Variants in CEP131 observed in about 807,000 individuals in gnomAD.
CEP131 encodes centrosomal protein 131.
Under a neutral mutation model 136.8 loss-of-function variants are expected in CEP131, and 99 were observed. The ratio of observed to expected loss-of-function variants is 0.72; its 90% CI spans 0.62 to 0.86. The LOEUF is 0.86. CEP131 is among the 40% of genes least tolerant of loss of function. The pLI, the probability that CEP131 is intolerant of heterozygous loss-of-function variation, is 0.00. For synonymous variants in CEP131, 646 were observed against 612.7 expected (o/e 1.05, Z -0.80); for missense variants, 1,459 against 1,463.0 (o/e 1.00, Z 0.04).
At position 81,189,738 on chromosome 17, in the gene CEP131, C is replaced by T. The variant is rs769072517; in HGVS notation, c.*31G>A. The T allele has an allele frequency of 2.2e-5, 34 of 1,565,002 alleles. No homozygotes were observed. In the Middle Eastern group the frequency reaches 9.1e-4, roughly 42 times the overall value. ...CGTCCAGCCTCTGTCCTCTGCCTTCCGTTCTTCGACAGTGTTCCCGGCATC... is the reference window on the plus strand; with the variant it reads ...CGTCCAGCCTCTGTCCTCTGCCTTCTGTTCTTCGACAGTGTTCCCGGCATC... On this transcript the variant is annotated 3_prime_UTR_variant, in exon 26 of 26. Coordinates refer to ENST00000450824, the MANE Select transcript of CEP131 (RefSeq NM_014984.4).
In CEP131 at chr17:81,192,858, GGACT is replaced by G. The variant is rs766255573; in HGVS notation, c.2322-19_2322-16del. 3 of 1,594,762 alleles carry G rather than the reference GGACT, an allele frequency of 1.9e-6. No homozygotes were observed. In the East Asian group the frequency reaches 6.7e-5, roughly 36 times the overall value. On this transcript the variant is annotated splice_polypyrimidine_tract_variant and intron_variant, in intron 18 of 25. Coordinates refer to ENST00000450824, the MANE Select transcript of CEP131 (RefSeq NM_014984.4). ...GCTGCTGGAACCTGCGGGACGGTCA[GGACT>G]GGCTCTCGGGGGCCGGGACGGGCGG...
Position 81,199,824 on chromosome 17 carries a change from C to A in CEP131, c.918G>T (p.Gln306His). 6.2e-7 allele frequency: 1 copy of A among 1,611,068 alleles called. No homozygotes were observed. The highest frequency in any genetic ancestry group is 8.5e-7 in the Non-Finnish European group (1 of 1,179,914). Residue 306 changes from glutamine to histidine, a missense_variant, in exon 9 of 26, where the codon CAG (glutamine) becomes CAT (histidine). Around this residue, in one of 3 missense-constraint regions of CEP131, gnomAD observed 246 missense variants for 318.9 expected, o/e 0.77. Transcript: ENST00000450824. ...LLQAKREEQR[Q>H]RSGEGTLLDL... ...CCAAGAGGGTCCCCTCGCCTGACCG[C>A]TGCCGCTGCTCCTGCCAAAGAAGCC... is the stretch of plus-strand genomic sequence containing the variant.
At chr17:81,207,791 C>A (rs1016865789) in intron 3 of CEP131, among the ~76,000 whole-genome samples, 2 of 149,966 alleles carry the variant, frequency 1.3e-5, no homozygotes, top group African/African-American at 4.9e-5. Flanking sequence ...CCCACTGCCA[C>A]CCTGCCCCAT....
At position 81,208,973 on chromosome 17, in the gene CEP131, G is replaced by T; in HGVS notation, c.227C>A (p.Ser76Tyr). ...GSQAINNLRR[S>Y]NSTTQVSQPR... ...CTGGCTGACCTGCGTGGTGCTGTTG[G>T]ATCTTCTAAGGTTGTTGATGGCCTG... The change falls in exon 3 of 26, where the codon TCC becomes TAC. Residue 76 changes from serine to tyrosine, a missense_variant. Coordinates refer to ENST00000450824, the MANE Select transcript of CEP131 (RefSeq NM_014984.4). This position sits in a 1 kb window ranked among gnomAD's most constrained non-coding sequence, Gnocchi z 5.6. 1.2e-6 allele frequency: 2 copies of T among 1,614,050 alleles called. No homozygotes were observed. Among genetic ancestry groups the T allele is most frequent in the Non-Finnish European group, 1.7e-6 (2 of 1,179,970 alleles).
chr17:81,217,005 C>T (rs936293883), intron 2 of CEP131, among the ~76,000 whole-genome samples: 1 of 152,240 alleles, frequency 6.6e-6, no homozygotes, highest in Non-Finnish European at 1.5e-5. Context: ...CCCTAAACTC[C>T]ACCTGCAAGA....
intron 2 of CEP131, among the ~76,000 whole-genome samples, chr17:81,210,353 C>T (rs2062105169): frequency 6.6e-6 from 1 of 152,092 alleles, no homozygotes; most frequent in Admixed American, 6.5e-5. Context: ...GGGTGGATCA[C>T]GAGGTCAGGA....
At chr17:81,200,476 A>G in intron 7 of CEP131, 30 bp from the exon 8 acceptor site, 2 of 1,499,518 alleles carry the variant, frequency 1.3e-6, no homozygotes, top group Non-Finnish European at 1.8e-6. Context: ...CAGGGCCAAG[A>G]CAGGACCAGC....
In CEP131 at chr17:81,200,156, G is replaced by T. The variant is rs145060705; in HGVS notation, c.906+173C>A. 110 of 633,496 alleles carry T rather than the reference G, an allele frequency of 1.7e-4. No individual in the cohort carries two copies. The East Asian group carries it at 3.0e-3, about 17-fold the overall frequency. 39.2% of individuals were successfully genotyped at this position (633,496 alleles called of 1,614,324 possible). Reference sequence around the variant, plus strand: ...CCCAGGCCCTGAGGACCGCCAGTGAGGACCACCCTGACTGTCCGCGGGGAC... The same window carrying T: ...CCCAGGCCCTGAGGACCGCCAGTGATGACCACCCTGACTGTCCGCGGGGAC... On this transcript the variant is annotated intron_variant, in intron 8 of 25. Coordinates refer to ENST00000450824, the MANE Select transcript of CEP131 (RefSeq NM_014984.4).
chr17:81,195,261 C>T (rs574079897), intron 16 of CEP131, among the ~76,000 whole-genome samples: 20 of 152,342 alleles, frequency 1.3e-4, no homozygotes, highest in Middle Eastern at 3.4e-3. Context: ...CCTGTCGGGA[C>T]GGCCCCAGAG....
rs149230676 is a variant in CEP131 at position 81,206,793 on chromosome 17, T to G, written c.466A>C (p.Arg156=). 3.7e-3 allele frequency: 5,904 copies of G among 1,614,104 alleles called. 17 individuals are homozygous for G. The highest frequency in any genetic ancestry group is 4.4e-3 in the Non-Finnish European group (5,145 of 1,180,026). The change falls in exon 5 of 26, where the codon AGG becomes CGG. Residue 156 remains arginine (R), a synonymous_variant. Transcript: ENST00000450824. ...GCCAGGGCCACGGTGCATTCTTTCCTCCGCGGGCCCGCTGGTGAGTCAAGG... is the reference window on the plus strand; with the variant it reads ...GCCAGGGCCACGGTGCATTCTTTCCGCCGCGGGCCCGCTGGTGAGTCAAGG... The part of the protein sequence containing the change: ...SALDSPAGPR[R]KECTVALAPN...
At chr17:81,196,270 G>C (rs1245194880) in intron 15 of CEP131, among the ~76,000 whole-genome samples, 4 of 152,222 alleles carry the variant, frequency 2.6e-5, no homozygotes, top group Non-Finnish European at 5.9e-5. Flanking sequence ...AGCCCTGGAG[G>C]AGGCTCACTG....
intron 14 of CEP131, 22 bp downstream of exon 14, chr17:81,196,908 T>C: frequency 6.2e-7 from 1 of 1,608,428 alleles, no homozygotes; most frequent in Non-Finnish European, 8.5e-7. Context: ...GGGCCCGGGA[T>C]TAGCAGTGCC....
At chr17:81,199,353 A>G in intron 10 of CEP131, 28 bp downstream of exon 10, 2 of 1,575,604 alleles carry the variant, frequency 1.3e-6, no homozygotes, top group Non-Finnish European at 8.6e-7. Flanking sequence ...CACCCCCCAG[A>G]GCAGGGCGGG....
chr17:81,208,141 C>T lies in CEP131; in HGVS notation c.272+787G>A, dbSNP rs1205099694. Reference sequence around the variant, plus strand: ...ACACCACACACATACCACACACACACACCAGCTGGCCTTGGCAGTCCCTTG... The same window carrying T: ...ACACCACACACATACCACACACACATACCAGCTGGCCTTGGCAGTCCCTTG... On this transcript the variant is annotated intron_variant, in intron 3 of 25. Transcript: ENST00000450824. This position sits in a 1 kb window ranked among gnomAD's most constrained non-coding sequence, Gnocchi z 5.6. 2.0e-5 allele frequency among the ~76,000 whole-genome samples: 3 copies of T among 151,818 alleles called. No individual in the cohort carries two copies. The highest frequency in any genetic ancestry group is 4.4e-5 in the Non-Finnish European group (3 of 67,940).
intron 15 of CEP131, among the ~76,000 whole-genome samples, chr17:81,196,450 C>T (rs1293763201): frequency 6.6e-6 from 1 of 152,242 alleles, no homozygotes; most frequent in African/African-American, 2.4e-5. Context: ...ACCGGGGCTG[C>T]GACTGAGCTG....
At chr17:81,199,075 G>A (rs956757310) in intron 10 of CEP131, 104 bp from the exon 11 acceptor site, 25 of 1,153,098 alleles carry the variant, frequency 2.2e-5, no homozygotes, top group African/African-American at 3.1e-5. Flanking sequence ...AGGCGGAGGC[G>A]ACCCCAGAAG....
chr17:81,220,161 G>T, intron 1 of CEP131, 88 bp from the exon 2 acceptor site: 2 of 1,177,462 alleles, frequency 1.7e-6, no homozygotes, highest in Non-Finnish European at 2.2e-6. Context: ...CCTCAGCTGG[G>T]TCCACTGGCC....
rs533283402 is a variant in CEP131, at chr17:81,192,920, C to T, written c.2322-77G>A. ...ACCCACCCACCGCAGGGGCACGGGC[C>T]GACCACAGGCCTGACTCACAGCTGG... On this transcript the variant is annotated intron_variant, in intron 18 of 25. Transcript: ENST00000450824. 2.4e-3 allele frequency: 3,739 copies of T among 1,526,728 alleles called. 9 individuals carry two copies. The highest frequency in any genetic ancestry group is 2.9e-3 in the Non-Finnish European group (3,332 of 1,141,666). 94.6% of individuals were successfully genotyped at this position (1,526,728 alleles called of 1,614,324 possible). A position where few individuals can be genotyped will look rare whatever the true frequency, so the allele number is the denominator to read the frequency against.
intron 13 of CEP131, chr17:81,197,501 C>G (rs1194795620): frequency 1.3e-6 from 1 of 743,214 alleles, no homozygotes; most frequent in Non-Finnish European, 2.1e-6. Context: ...CACCTCCACC[C>G]TGAGAGACCC....
Sources: allele counts gnomAD v4.1 joint callset (sites outside exome capture counted in the v4.1 genomes callset), GRCh38; gene constraint gnomAD v4.1.1; regional missense constraint gnomAD v4.1.1; non-coding constraint Gnocchi (gnomAD v3.1); transcripts MANE v1.5; gene names NCBI Gene and HGNC (gene_info 2026-07-23, HGNC 2026-07-21).